Variants in LOC128462377 observed in about 807,000 individuals in gnomAD.
the LOC128462377 span, among the ~76,000 whole-genome samples, chr16:89,356,780 CAAAAAAAAA>C: frequency 9.6e-6 from 1 of 103,988 alleles, no homozygotes; most frequent in Non-Finnish European, 1.9e-5. Flanking sequence ...GACTCCGTCT[CAAAAAAAAA>C]AAAAAAGAAA....
chr16:89,328,136 C>T, the LOC128462377 span, among the ~76,000 whole-genome samples: 1 of 119,476 alleles, frequency 8.4e-6, no homozygotes, highest in Non-Finnish European at 1.9e-5. Flanking sequence ...GGAAACACAA[C>T]TTAAAGCCGC....
chr16:89,377,000 G>C, the LOC128462377 span, among the ~76,000 whole-genome samples: 1 of 152,338 alleles, frequency 6.6e-6, no homozygotes, highest in East Asian at 1.9e-4. Flanking sequence ...AGGCTGGAAA[G>C]AACCCCTTTT....
At chr16:89,318,187 T>C in the LOC128462377 span, among the ~76,000 whole-genome samples, 1 of 152,180 alleles carries the variant, frequency 6.6e-6, no homozygotes, top group South Asian at 2.1e-4. Flanking sequence ...CCTGGTCTCT[T>C]CTGTGGCGAT....
At chr16:89,390,690 C>G in the LOC128462377 span, among the ~76,000 whole-genome samples, 12 of 152,064 alleles carry the variant, frequency 7.9e-5, no homozygotes, top group Non-Finnish European at 1.8e-4. Flanking sequence ...CTCGGGGAAA[C>G]AGTGAGCACA....
chr16:89,386,212 A>G, the LOC128462377 span, among the ~76,000 whole-genome samples: 1 of 152,224 alleles, frequency 6.6e-6, no homozygotes, highest in African/African-American at 2.4e-5. Flanking sequence ...GGAAATCCAC[A>G]CTACAAGTTT....
the LOC128462377 span, chr16:89,320,198 C>G: frequency 2.0e-5 from 3 of 152,244 alleles, no homozygotes; most frequent in African/African-American, 7.2e-5. Flanking sequence ...CCTCTTTAGA[C>G]AGTTCCGCAG....
At chr16:89,388,629 C>T in the LOC128462377 span, among the ~76,000 whole-genome samples, 4 of 152,192 alleles carry the variant, frequency 2.6e-5, no homozygotes, top group South Asian at 8.3e-4. Context: ...GAAGATGGGG[C>T]TGAAGGAGGC....
the LOC128462377 span, among the ~76,000 whole-genome samples, chr16:89,358,343 T>C: frequency 6.6e-6 from 1 of 152,228 alleles, no homozygotes; most frequent in African/African-American, 2.4e-5. Flanking sequence ...GTGAACATCA[T>C]CTACACAACA....
chr16:89,397,838 C>A, the LOC128462377 span, among the ~76,000 whole-genome samples: 1 of 152,244 alleles, frequency 6.6e-6, no homozygotes, highest in Non-Finnish European at 1.5e-5. Context: ...TGCCACGTCT[C>A]CCAGCTAGCT....
chr16:89,377,900 T>C, the LOC128462377 span, among the ~76,000 whole-genome samples: 1 of 151,280 alleles, frequency 6.6e-6, no homozygotes, highest in South Asian at 2.1e-4. Context: ...CCCCTCCTCC[T>C]TCTACTCAAT....
the LOC128462377 span, among the ~76,000 whole-genome samples, chr16:89,350,668 G>C: frequency 2.0e-5 from 3 of 152,212 alleles, no homozygotes; most frequent in Non-Finnish European, 4.4e-5. Flanking sequence ...AAAGAGGAAA[G>C]GGGGAACTTT....
At chr16:89,356,615 C>CAA in the LOC128462377 span, among the ~76,000 whole-genome samples, 61 of 113,320 alleles carry the variant, frequency 5.4e-4, no homozygotes, top group African/African-American at 1.1e-3. Flanking sequence ...ACTAAAAATA[C>CAA]AAAAAAAAAA....
the LOC128462377 span, among the ~76,000 whole-genome samples, chr16:89,318,232 T>C: frequency 1.3e-5 from 2 of 152,178 alleles, no homozygotes; most frequent in African/African-American, 4.8e-5. Flanking sequence ...GCATGGACAC[T>C]CTCGGAGCAT....
chr16:89,384,839 AAGAACATGTGTGTGGG>A, the LOC128462377 span, among the ~76,000 whole-genome samples: 1 of 147,188 alleles, frequency 6.8e-6, no homozygotes, highest in African/African-American at 2.5e-5. Flanking sequence ...ATACGTGTGT[AAGAACATGTGTGTGGG>A]AGCACACAAT....
chr16:89,377,363 C>T, the LOC128462377 span, among the ~76,000 whole-genome samples: 1 of 151,780 alleles, frequency 6.6e-6, no homozygotes, highest in Non-Finnish European at 1.5e-5. Flanking sequence ...CTGTCAAACC[C>T]AAAACAATGA....
chr16:89,383,845 C>G, the LOC128462377 span, among the ~76,000 whole-genome samples: 2 of 152,196 alleles, frequency 1.3e-5, no homozygotes, highest in Non-Finnish European at 2.9e-5. Context: ...TCACTCCCAC[C>G]TTTCCCAAAC....
At chr16:89,411,235 C>T in the LOC128462377 span, among the ~76,000 whole-genome samples, 2 of 152,230 alleles carry the variant, frequency 1.3e-5, no homozygotes, top group Non-Finnish European at 2.9e-5. Context: ...GGTGCCACCA[C>T]GGGGGCCCAG....
the LOC128462377 span, among the ~76,000 whole-genome samples, chr16:89,417,958 A>C: frequency 2.0e-5 from 3 of 152,254 alleles, no homozygotes; most frequent in Non-Finnish European, 4.4e-5. Flanking sequence ...GGTCTCAGTC[A>C]TCACCAGACC....
the LOC128462377 span, chr16:89,392,247 G>A: frequency 6.6e-6 from 1 of 152,262 alleles, no homozygotes; most frequent in Non-Finnish European, 1.5e-5. Context: ...TCTGCAGAAG[G>A]TATAAAAAAT....
Sources: allele counts gnomAD v4.1 joint callset (sites outside exome capture counted in the v4.1 genomes callset), GRCh38; gene constraint gnomAD v4.1.1; transcripts MANE v1.5.